JHY: variants seen among roughly 807,000 people sequenced by gnomAD.
JHY encodes the protein junctional cadherin complex regulator.
JHY carries 69 observed loss-of-function variants against 78.0 expected under a neutral mutation model. The ratio of observed to expected loss-of-function variants is 0.88; its 90% CI spans 0.73 to 1.08. JHY has a LOEUF of 1.08. JHY is among the 50% of genes least tolerant of loss of function. The pLI, the probability that JHY is intolerant of heterozygous loss-of-function variation, is 0.00. For synonymous variants in JHY, 368 were observed against 342.6 expected, an observed-to-expected ratio of 1.07 and a Z score of -0.82; for missense variants, 944 against 927.8, an observed-to-expected ratio of 1.02 and a Z score of -0.23.
chr11:122,936,234 C>T (rs1017777362), intron 5 of JHY, among the ~76,000 whole-genome samples: 1 of 152,118 alleles, frequency 6.6e-6, no homozygotes, highest in African/African-American at 2.4e-5. Flanking sequence ...AAATGCTATA[C>T]AAGGTACAAA....
intron 6 of JHY, among the ~76,000 whole-genome samples, chr11:122,947,754 G>T (rs1863996503): frequency 6.6e-6 from 1 of 152,194 alleles, no homozygotes; most frequent in Admixed American, 6.5e-5. Flanking sequence ...CATGCAGGAG[G>T]TCTCTAGCAG....
chr11:122,913,338 G>A (rs7936711), intron 3 of JHY, among the ~76,000 whole-genome samples: 1 of 152,090 alleles, frequency 6.6e-6, no homozygotes, highest in Non-Finnish European at 1.5e-5. Context: ...TTAATAACTC[G>A]GGATCATGTA....
At chr11:122,939,403 A>G (rs1863825688) in intron 5 of JHY, among the ~76,000 whole-genome samples, 1 of 152,150 alleles carries the variant, frequency 6.6e-6, no homozygotes. Flanking sequence ...TATGGTGTAA[A>G]CTGTGGCTTC....
At position 122,960,468 on chromosome 11, in the gene JHY, C is replaced by T; in HGVS notation, c.*1023C>T. ...ACTCCTTGCCCCTCTACCACCTCTT[C>T]CTTCCTTTTCCTATAGAGGAAAAGT... On this transcript the variant is annotated 3_prime_UTR_variant, in exon 9 of 9. Coordinates refer to ENST00000227349, the MANE Select transcript of JHY (RefSeq NM_024806.4). 1.7e-5 allele frequency: 4 copies of T among 236,996 alleles called. No individual in the cohort carries two copies. Among genetic ancestry groups the T allele is most frequent in the Admixed American group, 1.2e-4 (3 of 24,554 alleles). 14.7% of individuals were successfully genotyped at this position (236,996 alleles called of 1,614,324 possible). A position where few individuals can be genotyped will look rare whatever the true frequency, so the allele number is the denominator to read the frequency against.
Position 122,956,546 on chromosome 11 carries a change from C to T in JHY, c.1980C>T (p.Leu660=), listed in dbSNP as rs1340407392. Residue 660 remains leucine (L), a synonymous_variant, in exon 7 of 9, where the codon CTC becomes CTT. Transcript: ENST00000227349. ...YQKRDVKLGG[L]GPDFESIRDK... is the part of the protein sequence containing the mutation. ...AAAGAGACGTGAAGCTTGGAGGCCT[C>T]GGACCTGACTTTGAGTCCATCAGAG... 4 of 1,613,618 alleles carry T rather than the reference C, an allele frequency of 2.5e-6. No homozygotes were observed. Among genetic ancestry groups the T allele is most frequent in the East Asian group, 4.5e-5 (2 of 44,858 alleles).
intron 2 of JHY, among the ~76,000 whole-genome samples, chr11:122,886,700 A>G (rs1237536160): frequency 6.6e-6 from 1 of 152,158 alleles, no homozygotes; most frequent in Non-Finnish European, 1.5e-5. Flanking sequence ...CTTCCACTTC[A>G]GCCTCCCAAA....
chr11:122,886,510 G>A (rs1862499861), intron 2 of JHY, among the ~76,000 whole-genome samples: 1 of 152,352 alleles, frequency 6.6e-6, no homozygotes, highest in Admixed American at 6.5e-5. Context: ...GGAAAAGGAT[G>A]TGGAGTCAGG....
chr11:122,903,664 T>G (rs562271251), intron 2 of JHY, among the ~76,000 whole-genome samples: 10 of 152,108 alleles, frequency 6.6e-5, no homozygotes. Flanking sequence ...AAATTTGTTG[T>G]AAAGATGGAG....
chr11:122,943,631 AG>A (rs1452448440), intron 5 of JHY, among the ~76,000 whole-genome samples: 43 of 152,282 alleles, frequency 2.8e-4, no homozygotes, highest in Admixed American at 2.4e-3. Context: ...TTATGTTATT[AG>A]GGACATGCAG....
chr11:122,934,448 A>G lies in JHY; in HGVS notation c.1007A>G (p.Glu336Gly), dbSNP rs1046684947. Reference sequence around the variant, plus strand: ...TACCAGGAACACTGGTCTCAATATGAAAGTACAAAATCAAGCAATGTACCA... The same window carrying G: ...TACCAGGAACACTGGTCTCAATATGGAAGTACAAAATCAAGCAATGTACCA... The part of the protein sequence containing the change: ...KNYQEHWSQY[E>G]STKSSNVPRG... The change falls in exon 5 of 9, where the codon GAA becomes GGA. Residue 336 changes from glutamate to glycine, a missense_variant. Glu to Gly is a moderately conservative substitution (Grantham distance 98). Transcript: ENST00000227349. The G allele has an allele frequency of 5.0e-6, 8 of 1,613,228 alleles. No individual in the cohort carries two copies. Among genetic ancestry groups the G allele is most frequent in the Non-Finnish European group, 5.9e-6 (7 of 1,179,538 alleles).
At chr11:122,918,860 G>C (rs80347387) in intron 3 of JHY, among the ~76,000 whole-genome samples, 1 of 146,702 alleles carries the variant, frequency 6.8e-6, no homozygotes. Flanking sequence ...CCTTTTTCCT[G>C]CCTTCCTGGA....
chr11:122,931,721 G>A (rs1863640701), intron 4 of JHY, among the ~76,000 whole-genome samples: 1 of 152,162 alleles, frequency 6.6e-6, no homozygotes, highest in African/African-American at 2.4e-5. Context: ...TGGCTTTTGT[G>A]TTGAAACAGA....
intron 3 of JHY, among the ~76,000 whole-genome samples, chr11:122,911,693 G>T (rs1863128673): frequency 6.6e-6 from 1 of 151,706 alleles, no homozygotes; most frequent in African/African-American, 2.4e-5. Flanking sequence ...ATCACCTGAG[G>T]TCAGAAGTTC....
intron 4 of JHY, among the ~76,000 whole-genome samples, chr11:122,932,007 A>G (rs888616313): frequency 2.6e-5 from 4 of 152,228 alleles, no homozygotes; most frequent in African/African-American, 7.2e-5. Flanking sequence ...TTCTAAGTGC[A>G]TGGAGTATGC....
chr11:122,948,278 TACTA>T (rs1032138842), intron 6 of JHY, among the ~76,000 whole-genome samples: 253 of 151,896 alleles, frequency 1.7e-3, no homozygotes, highest in African/African-American at 5.7e-3. Context: ...ACTCCGTCTC[TACTA>T]AAATACAAAA....
chr11:122,914,590 G>A (rs541808707), intron 3 of JHY, among the ~76,000 whole-genome samples: 4 of 152,022 alleles, frequency 2.6e-5, no homozygotes, highest in South Asian at 2.1e-4. Flanking sequence ...GATTATAGGC[G>A]TCTACCACCA....
In JHY at chr11:122,960,720, C is replaced by CA. The variant is rs1294946528; in HGVS notation, c.*1279dup. 1.2e-4 allele frequency: 53 copies of CA among 434,134 alleles called. No homozygotes were observed. The highest frequency in any genetic ancestry group is 1.2e-4 in the Non-Finnish European group (26 of 217,900). 26.9% of individuals were successfully genotyped at this position (434,134 alleles called of 1,614,324 possible). On this transcript the variant is annotated 3_prime_UTR_variant, in exon 9 of 9. Transcript: ENST00000227349. ...AGAATCTGCTTATCAACTCAATGAG[C>CA]AAAACATTGCCCAACTAGAAGAGGT...
intron 3 of JHY, among the ~76,000 whole-genome samples, chr11:122,922,239 T>G (rs1004621409): frequency 6.6e-6 from 1 of 152,212 alleles, no homozygotes; most frequent in Non-Finnish European, 1.5e-5. Context: ...AGATCAACCT[T>G]TAAGTATTCA....
rs1483706344 is a variant in JHY, at chr11:122,900,392, CG to C, written c.345-3530del. On this transcript the variant is annotated intron_variant, in intron 2 of 8. Coordinates refer to ENST00000227349, the MANE Select transcript of JHY (RefSeq NM_024806.4). ...GGAATATCAAATAGCATAAAAAGCC[CG>C]GGTGATTTACATTTTCTTTTTGATT... Among the ~76,000 whole-genome samples, 3 of 151,814 alleles carry C rather than the reference CG, an allele frequency of 2.0e-5. No homozygotes were observed. The East Asian group carries it at 5.8e-4, about 29-fold the overall frequency.
Sources: allele counts gnomAD v4.1 joint callset (sites outside exome capture counted in the v4.1 genomes callset), GRCh38; gene constraint gnomAD v4.1.1; transcripts MANE v1.5; gene names NCBI Gene and HGNC (gene_info 2026-07-23, HGNC 2026-07-21).